Variants in SLC2A13 observed in about 807,000 individuals in gnomAD.
SLC2A13 encodes the protein proton myo-inositol cotransporter.
Under a neutral mutation model 64.4 loss-of-function variants are expected in SLC2A13, and 32 were observed. The ratio of observed to expected loss-of-function variants is 0.50; its 90% CI spans 0.37 to 0.67. SLC2A13 has a LOEUF of 0.67. Ranked by LOEUF, SLC2A13 falls within the 30% of genes least tolerant of loss-of-function variation. The probability of loss-of-function intolerance (pLI) is 0.00; values close to 1 mark genes in which losing one functional copy is unlikely to be tolerated. For synonymous variants in SLC2A13, 338 were observed against 327.1 expected (o/e 1.03, Z -0.36); for missense variants, 743 against 829.2 (o/e 0.90, Z 1.28).
At chr12:39,912,643 C>T (rs1322145805) in intron 4 of SLC2A13, among the ~76,000 whole-genome samples, 1 of 151,904 alleles carries the variant, frequency 6.6e-6, no homozygotes, top group Non-Finnish European at 1.5e-5. Flanking sequence ...ATCACTTGCC[C>T]AGTTATTATA....
At chr12:39,864,661 C>A in intron 6 of SLC2A13, 101 bp downstream of exon 6, 2 of 1,463,026 alleles carry the variant, frequency 1.4e-6, no homozygotes, top group African/African-American at 1.4e-5. Flanking sequence ...GCCTGGATGC[C>A]CAGCAAGCTC....
chr12:39,785,152 T>C (rs890147278), intron 7 of SLC2A13, among the ~76,000 whole-genome samples: 2 of 152,048 alleles, frequency 1.3e-5, no homozygotes, highest in Non-Finnish European at 2.9e-5. Flanking sequence ...TCCAGGCCAC[T>C]TCAGAGACCT....
chr12:39,946,210 G>A (rs1049178495), intron 4 of SLC2A13, among the ~76,000 whole-genome samples: 6 of 152,204 alleles, frequency 3.9e-5, no homozygotes, highest in South Asian at 2.1e-4. Context: ...GATGTGAACC[G>A]CCTATGGGTC....
chr12:39,952,283 G>C (rs1946245073), intron 3 of SLC2A13, among the ~76,000 whole-genome samples: 1 of 152,118 alleles, frequency 6.6e-6, no homozygotes, highest in South Asian at 2.1e-4. Context: ...AATGGAGCTA[G>C]AGTCAACTCC....
At chr12:39,830,439 T>C (rs1942821792) in intron 6 of SLC2A13, 1 of 1,272,084 alleles carries the variant, frequency 7.9e-7, no homozygotes, top group African/African-American at 1.5e-5. Context: ...CACAGCAACT[T>C]TGGAAGTCAC....
intron 7 of SLC2A13, among the ~76,000 whole-genome samples, chr12:39,776,936 G>T (rs1273396730): frequency 1.3e-5 from 2 of 151,972 alleles, no homozygotes; most frequent in African/African-American, 2.4e-5. Flanking sequence ...ATTCCTATGG[G>T]TTTTTTCTTT....
intron 3 of SLC2A13, among the ~76,000 whole-genome samples, chr12:39,971,891 C>T (rs1272161630): frequency 1.3e-5 from 2 of 149,782 alleles, no homozygotes; most frequent in African/African-American, 4.9e-5. Flanking sequence ...AAAAGAATCG[C>T]TTGAGCCCAG....
At chr12:39,934,644 A>G (rs1457296859) in intron 4 of SLC2A13, among the ~76,000 whole-genome samples, 1 of 152,238 alleles carries the variant, frequency 6.6e-6, no homozygotes, top group African/African-American at 2.4e-5. Flanking sequence ...TTACAGAGGG[A>G]TCATTGGAAG....
At chr12:39,852,599 G>A (rs1943499767) in intron 6 of SLC2A13, among the ~76,000 whole-genome samples, 1 of 152,130 alleles carries the variant, frequency 6.6e-6, no homozygotes, top group African/African-American at 2.4e-5. Context: ...AGAAGAATAG[G>A]GTCTGGAGGC....
rs924455329 is a variant in SLC2A13 at position 39,969,139 on chromosome 12, T to C, written c.926-17774A>G. Among the ~76,000 whole-genome samples, 153 of 152,336 alleles carry C rather than the reference T, an allele frequency of 1.0e-3. 1 individual carries two copies. Among genetic ancestry groups the C allele is most frequent in the African/African-American group, 3.4e-3 (140 of 41,584 alleles). On this transcript the variant is annotated intron_variant, in intron 3 of 9. Coordinates refer to ENST00000280871, the MANE Select transcript of SLC2A13 (RefSeq NM_052885.4). Reference sequence around the variant, plus strand: ...ACAAAGGACATGAACTCATCCTTTTTTATGGCTGCATAGTATTCAATGGTG... The same window carrying C: ...ACAAAGGACATGAACTCATCCTTTTCTATGGCTGCATAGTATTCAATGGTG...
intron 2 of SLC2A13, among the ~76,000 whole-genome samples, chr12:40,031,434 G>T (rs558924007): frequency 1.5e-4 from 23 of 152,144 alleles, no homozygotes; most frequent in Non-Finnish European, 3.1e-4. Flanking sequence ...TATCAGCCAG[G>T]CTGGTCTCAA....
At chr12:40,020,686 A>G (rs1160349721) in intron 3 of SLC2A13, among the ~76,000 whole-genome samples, 1 of 151,376 alleles carries the variant, frequency 6.6e-6, no homozygotes, top group Non-Finnish European at 1.5e-5. Context: ...TGAGGTGGGA[A>G]AAAAAAAAGG....
chr12:40,105,992 G>C lies in SLC2A13; in HGVS notation c.-184C>G. 1 of 640,882 alleles carries C rather than the reference G, an allele frequency of 1.6e-6. No individual in the cohort carries two copies. The highest frequency in any genetic ancestry group is 2.3e-6 in the Non-Finnish European group (1 of 436,214). 39.7% of individuals were successfully genotyped at this position (640,882 alleles called of 1,614,324 possible). A position where few individuals can be genotyped will look rare whatever the true frequency, so the allele number is the denominator to read the frequency against. The stretch of plus-strand genomic sequence containing the variant: ...CGCTCCGGGGAGAAAGTTGCTGCCC[G>C]CCGCGCTCCGACGCTGCGGAGTTGG... On this transcript the variant is annotated 5_prime_UTR_variant, in exon 1 of 10. Transcript: ENST00000280871. The surrounding 1 kb of genome is among the most constrained non-coding windows in gnomAD (Gnocchi z 4.2).
chr12:39,991,800 T>TC (rs1947142730), intron 3 of SLC2A13, among the ~76,000 whole-genome samples: 1 of 61,266 alleles, frequency 1.6e-5, no homozygotes, highest in Admixed American at 1.3e-4. Flanking sequence ...TATTCTACTA[T>TC]CTTTTTAAAA....
rs182837685 is a variant in SLC2A13 at position 39,977,151 on chromosome 12, C to G, written c.926-25786G>C. Among the ~76,000 whole-genome samples, 23 of 152,246 alleles carry G rather than the reference C, an allele frequency of 1.5e-4. 1 individual carries two copies. Among genetic ancestry groups the G allele is most frequent in the South Asian group, 1.2e-3 (6 of 4,820 alleles). On this transcript the variant is annotated intron_variant, in intron 3 of 9. Transcript: ENST00000280871. ...ATGTTTATTCAGTTCCTACTAGATT[C>G]AAGCTCTATATAGATTAATCTGCAG...
At chr12:39,956,544 T>C (rs936661258) in intron 3 of SLC2A13, among the ~76,000 whole-genome samples, 7 of 152,156 alleles carry the variant, frequency 4.6e-5, no homozygotes, top group East Asian at 1.9e-4. Context: ...AAGGCTGACA[T>C]GGTGAACTGG....
At chr12:39,820,509 A>G (rs559442879) in intron 7 of SLC2A13, among the ~76,000 whole-genome samples, 1 of 152,256 alleles carries the variant, frequency 6.6e-6, no homozygotes, top group African/African-American at 2.4e-5. Flanking sequence ...TGTTTATGTT[A>G]TAAAACTAGC....
chr12:39,772,728 G>A (rs181927814), intron 7 of SLC2A13, among the ~76,000 whole-genome samples: 12 of 152,248 alleles, frequency 7.9e-5, no homozygotes, highest in Admixed American at 4.6e-4. Flanking sequence ...TACTCTTTTC[G>A]TTATTATCAC....
intron 3 of SLC2A13, among the ~76,000 whole-genome samples, chr12:39,997,758 G>A (rs1319453076): frequency 4.6e-5 from 7 of 152,134 alleles, no homozygotes; most frequent in Admixed American, 3.3e-4. Context: ...GAGAACCTGG[G>A]AGGCGGAGTT....
Sources: gnomAD v4.1 joint callset for allele counts (sites outside exome capture counted in the v4.1 genomes callset) on GRCh38, gnomAD v4.1.1 for gene constraint, Gnocchi (gnomAD v3.1) non-coding constraint, MANE v1.5 for transcripts, NCBI Gene and HGNC (gene_info 2026-07-23, HGNC 2026-07-21) for gene names.